Variants in PRKCB observed in about 807,000 individuals in gnomAD.
PRKCB encodes protein kinase C beta type.
A neutral mutation model predicts 81.5 loss-of-function variants in PRKCB; 13 were observed. That is an observed-to-expected ratio of 0.16 (90% CI 0.10 to 0.25). PRKCB has a LOEUF of 0.25. Ranked by LOEUF, PRKCB falls within the 10% of genes least tolerant of loss-of-function variation. PRKCB has a pLI of 1.00. For missense variants in PRKCB, 509 were observed against 875.7 expected, an observed-to-expected ratio of 0.58 and a Z score of 5.29; for synonymous variants, 335 against 321.4, an observed-to-expected ratio of 1.04 and a Z score of -0.45.
intron 2 of PRKCB, among the ~76,000 whole-genome samples, chr16:23,986,977 A>G (rs905456605): frequency 1.3e-5 from 2 of 152,244 alleles, no homozygotes; most frequent in Non-Finnish European, 2.9e-5. Flanking sequence ...AAGAAAAACA[A>G]GACCATTATC....
At chr16:24,161,269 T>C (rs1596575662) in intron 10 of PRKCB, among the ~76,000 whole-genome samples, 3 of 152,270 alleles carry the variant, frequency 2.0e-5, no homozygotes, top group African/African-American at 7.2e-5. Flanking sequence ...AATAATCTTA[T>C]ATTGGAATAA....
At position 24,220,009 on chromosome 16, in the gene PRKCB, C is replaced by A; in HGVS notation, c.*5193C>A. 3 of 1,614,122 alleles carry A rather than the reference C, an allele frequency of 1.9e-6. No individual in the cohort carries two copies. Among genetic ancestry groups the A allele is most frequent in the Non-Finnish European group, 2.5e-6 (3 of 1,180,004 alleles). On this transcript the variant is annotated 3_prime_UTR_variant, in exon 17 of 17. Transcript: ENST00000643927. The stretch of plus-strand genomic sequence containing the variant: ...CTTCGACAAAGAGTTCACCAGACAG[C>A]CTGTGGAACTGACCCCCACTGATAA...
intron 3 of PRKCB, among the ~76,000 whole-genome samples, chr16:24,008,006 C>A (rs376385896): frequency 6.5e-4 from 93 of 143,890 alleles, no homozygotes; most frequent in Non-Finnish European, 6.1e-4. Flanking sequence ...TATTCTTTTT[C>A]AAAAAAAAAA....
In PRKCB at chr16:24,003,685, A is replaced by C. The variant is rs983263480; in HGVS notation, c.288+15095A>C. On this transcript the variant is annotated intron_variant, in intron 3 of 16. Coordinates refer to ENST00000643927, the MANE Select transcript of PRKCB (RefSeq NM_002738.7). ...CAGGCGTGAGCGACTGCACCCAGCC[A>C]TCTTCCCTGCATTCATAATTGATCT... Among the ~76,000 whole-genome samples, 5 of 152,148 alleles carry C rather than the reference A, an allele frequency of 3.3e-5. No homozygotes were observed. In the East Asian group the frequency reaches 7.7e-4, roughly 23 times the overall value.
chr16:24,002,702 G>A (rs1234560594), intron 3 of PRKCB, among the ~76,000 whole-genome samples: 1 of 152,114 alleles, frequency 6.6e-6, no homozygotes, highest in East Asian at 1.9e-4. Flanking sequence ...CAGATTTGGG[G>A]TGGAGAAACA....
chr16:23,879,021 C>A (rs1349480076), intron 2 of PRKCB, among the ~76,000 whole-genome samples: 1 of 151,902 alleles, frequency 6.6e-6, no homozygotes, highest in Non-Finnish European at 1.5e-5. Flanking sequence ...ACTAAAAATA[C>A]AAAAAAATCA....
intron 2 of PRKCB, among the ~76,000 whole-genome samples, chr16:23,881,255 T>C (rs1464357293): frequency 2.7e-5 from 3 of 110,388 alleles, no homozygotes; most frequent in Non-Finnish European, 6.2e-5. Context: ...TTTTCCCAGT[T>C]TTTTTTTTTT....
intron 3 of PRKCB, among the ~76,000 whole-genome samples, chr16:24,021,953 A>G (rs7198260): frequency 0.58 from 87,929 of 151,930 alleles, 25,879 homozygotes; most frequent in South Asian, 0.78. Context: ...TCTCTTGAAT[A>G]AAGATTGGAA....
chr16:24,206,838 C>T (rs1364758580), intron 16 of PRKCB, among the ~76,000 whole-genome samples: 1 of 152,198 alleles, frequency 6.6e-6, no homozygotes, highest in Non-Finnish European at 1.5e-5. Context: ...GCATGCTGCT[C>T]GGCAGAGGAT....
At chr16:23,980,411 C>T (rs1964680716) in intron 2 of PRKCB, among the ~76,000 whole-genome samples, 1 of 152,230 alleles carries the variant, frequency 6.6e-6, no homozygotes, top group Non-Finnish European at 1.5e-5. Context: ...AATCTGCATG[C>T]CAGTGGCTCC....
rs1363187891 is a variant in PRKCB at position 24,154,933 on chromosome 16, C to T, written c.1239+76C>T. On this transcript the variant is annotated intron_variant, in intron 10 of 16. Coordinates refer to ENST00000643927, the MANE Select transcript of PRKCB (RefSeq NM_002738.7). ...TTTGGCCAAAGCTATCTTAGCAGCA[C>T]CCAGCACAGAGATACCTGCACCCTT... is the stretch of plus-strand genomic sequence containing the variant. The T allele has an allele frequency of 3.4e-6, 5 of 1,492,320 alleles. No homozygotes were observed. The Admixed American group carries it at 8.0e-5, about 24-fold the overall frequency. 92.4% of individuals were successfully genotyped at this position (1,492,320 alleles called of 1,614,324 possible). A position where few individuals can be genotyped will look rare whatever the true frequency, so the allele number is the denominator to read the frequency against.
intron 3 of PRKCB, among the ~76,000 whole-genome samples, chr16:24,010,011 A>C (rs908625985): frequency 5.9e-5 from 9 of 152,130 alleles, no homozygotes; most frequent in African/African-American, 2.2e-4. Context: ...TCAAACAAAA[A>C]CCAAAAAACA....
At chr16:23,998,226 A>C (rs1421321811) in intron 3 of PRKCB, among the ~76,000 whole-genome samples, 1 of 152,042 alleles carries the variant, frequency 6.6e-6, no homozygotes, top group Non-Finnish European at 1.5e-5. Flanking sequence ...ATTGGCACCT[A>C]TGGTTCTCAG....
intron 8 of PRKCB, among the ~76,000 whole-genome samples, chr16:24,120,053 G>A (rs1483157323): frequency 6.6e-6 from 1 of 152,162 alleles, no homozygotes; most frequent in African/African-American, 2.4e-5. Context: ...CAAAAACATG[G>A]ATGCATTTCA....
At chr16:24,035,597 G>A (rs1477957180) in intron 5 of PRKCB, 50 bp downstream of exon 5, 3 of 996,502 alleles carry the variant, frequency 3.0e-6, no homozygotes, top group African/African-American at 3.4e-5. Context: ...TGACCTGTGT[G>A]ATTGAGAAGG....
At chr16:24,141,943 C>G (rs765326700) in intron 9 of PRKCB, among the ~76,000 whole-genome samples, 3 of 152,160 alleles carry the variant, frequency 2.0e-5, no homozygotes, top group Non-Finnish European at 2.9e-5. Context: ...GGAAAGAATC[C>G]CCTATACACA....
At chr16:24,061,040 A>G (rs1414728985) in intron 5 of PRKCB, among the ~76,000 whole-genome samples, 1 of 152,128 alleles carries the variant, frequency 6.6e-6, no homozygotes, top group Admixed American at 6.6e-5. Flanking sequence ...CTAGGTACAT[A>G]ATAGGTGCTT....
At chr16:23,955,129 C>T (rs780052055) in intron 2 of PRKCB, among the ~76,000 whole-genome samples, 12 of 151,852 alleles carry the variant, frequency 7.9e-5, no homozygotes, top group Non-Finnish European at 1.2e-4. Context: ...GGTTGAGGCA[C>T]GACAATCACT....
Position 24,217,566 on chromosome 16 carries a change from A to AT in PRKCB, c.*2754dup. The AT allele has an allele frequency of 1.0e-6, 1 of 985,426 alleles. No homozygotes were observed. The highest frequency in any genetic ancestry group is 1.2e-6 in the Non-Finnish European group (1 of 829,950). 61.0% of individuals were successfully genotyped at this position (985,426 alleles called of 1,614,324 possible). Reference sequence around the variant, plus strand: ...AACTTCTACGGTAAAATCCAGGAGTATTTTCTCTGGGGATCTGCCCACAGG... The same window carrying AT: ...AACTTCTACGGTAAAATCCAGGAGTATTTTTCTCTGGGGATCTGCCCACAGG... On this transcript the variant is annotated 3_prime_UTR_variant, in exon 17 of 17. Transcript: ENST00000643927.
Sources: allele counts gnomAD v4.1 joint callset (sites outside exome capture counted in the v4.1 genomes callset), GRCh38; gene constraint gnomAD v4.1.1; transcripts MANE v1.5; gene names NCBI Gene and HGNC (gene_info 2026-07-23, HGNC 2026-07-21).